The following UGT2B10 variants were observed in gnomAD, a reference collection of about 807,000 sequenced individuals.
UGT2B10 encodes UDP-glucuronosyltransferase 2B10.
UGT2B10 carries 51 observed loss-of-function variants against 43.7 expected under a neutral mutation model. That is an observed-to-expected ratio of 1.17 (90% CI 0.93 to 1.47). The LOEUF (loss-of-function observed/expected upper bound fraction) is 1.47, where lower values mean the gene tolerates loss of function less well. Among genes scored for constraint, UGT2B10 ranks in the 40% most tolerant of loss-of-function variants. UGT2B10 has a pLI of 0.00. For synonymous variants in UGT2B10, 225 were observed against 209.0 expected (o/e 1.08, Z -0.66); for missense variants, 696 against 617.7 (o/e 1.13, Z -1.34).
intron 3 of UGT2B10, 102 bp downstream of exon 3, chr4:68,822,504 T>G (rs1187494726): frequency 6.9e-6 from 11 of 1,589,716 alleles, no homozygotes; most frequent in Non-Finnish European, 6.8e-6. Context: ...GAACTATTTA[T>G]AGCTGAATAC....
In UGT2B10 at chr4:68,823,199, G is replaced by A. The variant is rs551089629; in HGVS notation, c.999+797G>A. Among the ~76,000 whole-genome samples, 215 of 152,200 alleles carry A rather than the reference G, an allele frequency of 1.4e-3. 1 individual carries two copies. The highest frequency in any genetic ancestry group is 2.3e-3 in the Non-Finnish European group (159 of 67,992). On this transcript the variant is annotated intron_variant, in intron 3 of 5. Transcript: ENST00000265403. ...AGGGGAGTAAAAAGAATGAATTCCA[G>A]TCCTGTGATTAAAAGTGTAAACTAT... is the stretch of plus-strand genomic sequence containing the variant.
Position 68,830,921 on chromosome 4 carries a change from A to T in UGT2B10, c.*42A>T. The T allele has an allele frequency of 6.3e-7, 1 of 1,584,438 alleles. No homozygotes were observed. Among genetic ancestry groups the T allele is most frequent in the Non-Finnish European group, 8.6e-7 (1 of 1,165,664 alleles). ...AAGCTGGAAAACCTGATAGATAGGA[A>T]TACTTCAGTTGATTCCAGCAATAAA... On this transcript the variant is annotated 3_prime_UTR_variant, in exon 6 of 6. Coordinates refer to ENST00000265403, the MANE Select transcript of UGT2B10 (RefSeq NM_001075.6).
chr4:68,829,071 T>C (rs1253103609), intron 5 of UGT2B10, among the ~76,000 whole-genome samples: 1 of 151,608 alleles, frequency 6.6e-6, no homozygotes, highest in African/African-American at 2.4e-5. Flanking sequence ...TATAGAAGAG[T>C]GGTCATGACA....
intron 3 of UGT2B10, 46 bp downstream of exon 3, chr4:68,822,448 TGTTA>T: frequency 6.2e-7 from 1 of 1,607,848 alleles, no homozygotes; most frequent in African/African-American, 1.3e-5. Flanking sequence ...TGAAAGAGGC[TGTTA>T]AAGTTTGTGA....
chr4:68,816,297 T>A lies in UGT2B10; in HGVS notation c.278T>A (p.Val93Asp), dbSNP rs745394082. 6.2e-7 allele frequency: 1 copy of A among 1,613,130 alleles called. No homozygotes were observed. Among genetic ancestry groups the A allele is most frequent in the South Asian group, 1.1e-5 (1 of 91,060 alleles). Residue 93 changes from valine to aspartate, a missense_variant, in exon 1 of 6, where the codon GTT becomes GAT. By Grantham distance (152) the Val-to-Asp change is radical. Transcript: ENST00000265403. ...TTTGAGAATATCATCATGCAATTGG[T>A]TAAGAGATTGTCAGAAATTCAAAAA... ...TEFENIIMQL[V>D]KRLSEIQKDT...
In UGT2B10 at chr4:68,831,750, A is replaced by G. The variant is rs2109710352; in HGVS notation, c.*871A>G. 6.6e-6 allele frequency among the ~76,000 whole-genome samples: 1 copy of G among 152,146 alleles called. No individual in the cohort carries two copies. The highest frequency in any genetic ancestry group is 1.5e-5 in the Non-Finnish European group (1 of 67,978). ...TAACTACCCATTATATGCTTTGTTA[A>G]AGTGTTTATGCCCTGATTCAATGTG... On this transcript the variant is annotated 3_prime_UTR_variant, in exon 6 of 6. Coordinates refer to ENST00000265403, the MANE Select transcript of UGT2B10 (RefSeq NM_001075.6).
chr4:68,823,747 T>A (rs961236532), intron 3 of UGT2B10, among the ~76,000 whole-genome samples: 1 of 152,114 alleles, frequency 6.6e-6, no homozygotes, highest in Non-Finnish European at 1.5e-5. Context: ...ATTAGAGCTT[T>A]TGGGAAAGCA....
At chr4:68,817,906 A>C in intron 1 of UGT2B10, 123 bp from the exon 2 acceptor site, 2 of 1,142,130 alleles carry the variant, frequency 1.8e-6, no homozygotes, top group African/African-American at 3.2e-5. Flanking sequence ...ATATATGTAC[A>C]TATTTTTCAA....
At chr4:68,830,126 T>C (rs1738014691) in intron 5 of UGT2B10, among the ~76,000 whole-genome samples, 1 of 152,110 alleles carries the variant, frequency 6.6e-6, no homozygotes, top group East Asian at 1.9e-4. Context: ...CTCATGATGT[T>C]GAGCACGTTC....
At chr4:68,817,933 C>A in intron 1 of UGT2B10, 96 bp from the exon 2 acceptor site, 1 of 1,432,120 alleles carries the variant, frequency 7.0e-7, no homozygotes, top group Non-Finnish European at 9.3e-7. Flanking sequence ...CAAACTTTAC[C>A]AACATTTTTG....
Position 68,816,384 on chromosome 4 carries a change from T to G in UGT2B10, c.365T>G (p.Ile122Ser). The change falls in exon 1 of 6, where the codon ATT becomes AGT. Residue 122 changes from isoleucine (I) to serine (S), a missense_variant. Ile to Ser is a moderately radical substitution (Grantham distance 142). Transcript: ENST00000265403. ...QEILWAINDIIRNFCKDVVSN... is the reference protein window; with the variant it reads ...QEILWAINDISRNFCKDVVSN... ...ATCCTGTGGGCAATTAATGACATAATTAGAAACTTCTGTAAAGATGTAGTT... is the reference window on the plus strand; with the variant it reads ...ATCCTGTGGGCAATTAATGACATAAGTAGAAACTTCTGTAAAGATGTAGTT... 6.2e-7 allele frequency: 1 copy of G among 1,612,708 alleles called. No homozygotes were observed. The highest frequency in any genetic ancestry group is 8.5e-7 in the Non-Finnish European group (1 of 1,179,266).
intron 3 of UGT2B10, among the ~76,000 whole-genome samples, chr4:68,823,461 C>T (rs1334844704): frequency 6.6e-6 from 1 of 152,066 alleles, no homozygotes. Flanking sequence ...GAGGCAAGAT[C>T]ACAACATTGC....
At position 68,830,990 on chromosome 4, in the gene UGT2B10, C is replaced by G; in HGVS notation, c.*111C>G. ...CTTTCTTCCTGTGACAAAAAAAAAT[C>G]CTTTCGAAGTCTACCTTGTCAAGTA... On this transcript the variant is annotated 3_prime_UTR_variant, in exon 6 of 6. Transcript: ENST00000265403. 1 of 1,414,420 alleles carries G rather than the reference C, an allele frequency of 7.1e-7. No individual in the cohort carries two copies. The highest frequency in any genetic ancestry group is 2.4e-5 in the East Asian group (1 of 42,088). 87.6% of individuals were successfully genotyped at this position (1,414,420 alleles called of 1,614,324 possible).
rs4694358 is a variant in UGT2B10 at position 68,830,930 on chromosome 4, T to C, written c.*51T>C. ...AACCTGATAGATAGGAATACTTCAG[T>C]TGATTCCAGCAATAAATATTGTGAT... On this transcript the variant is annotated 3_prime_UTR_variant, in exon 6 of 6. Coordinates refer to ENST00000265403, the MANE Select transcript of UGT2B10 (RefSeq NM_001075.6). 196,327 of 1,560,536 alleles carry C rather than the reference T, an allele frequency of 0.13. 15,128 individuals are homozygous for C. Among genetic ancestry groups the C allele is most frequent in the Admixed American group, 0.34 (17,692 of 51,352 alleles).
At chr4:68,826,101 C>CT (rs1052728896) in intron 3 of UGT2B10, among the ~76,000 whole-genome samples, 8 of 151,934 alleles carry the variant, frequency 5.3e-5, no homozygotes, top group Non-Finnish European at 1.0e-4. Flanking sequence ...TGATGTTAAA[C>CT]TTTTTTTCTT....
chr4:68,826,606 G>T, intron 4 of UGT2B10, 109 bp downstream of exon 4: 5 of 1,317,444 alleles, frequency 3.8e-6, no homozygotes, highest in Middle Eastern at 2.2e-4. Flanking sequence ...AAACAAAAAA[G>T]AACTTCTTTA....
rs567502684 is a variant in UGT2B10, at chr4:68,830,734, A to T, written c.1442A>T (p.Asn481Ile). The T allele has an allele frequency of 1.2e-6, 2 of 1,613,350 alleles. No homozygotes were observed. The highest frequency in any genetic ancestry group is 1.7e-6 in the Non-Finnish European group (2 of 1,179,520). The change falls in exon 6 of 6, where the codon AAC becomes ATC. Residue 481 changes from asparagine (N) to isoleucine (I), a missense_variant. Asn to Ile is a moderately radical substitution (Grantham distance 149, BLOSUM62 -3). Coordinates refer to ENST00000265403, the MANE Select transcript of UGT2B10 (RefSeq NM_001075.6). ...GAKHLRVAAHNLTWFQYHSLD... is the reference protein window; with the variant it reads ...GAKHLRVAAHILTWFQYHSLD... ...AAACATCTTCGAGTTGCAGCCCACA[A>T]CCTCACCTGGTTCCAGTACCACTCT...
intron 4 of UGT2B10, 21 bp downstream of exon 4, chr4:68,826,518 A>T (rs1737789516): frequency 6.2e-7 from 1 of 1,603,038 alleles, no homozygotes; most frequent in East Asian, 2.2e-5. Flanking sequence ...GGTGAACAAT[A>T]CTGGATATAT....
intron 2 of UGT2B10, among the ~76,000 whole-genome samples, chr4:68,818,923 T>A (rs1019517591): frequency 6.6e-6 from 1 of 151,946 alleles, no homozygotes. Context: ...GAAATAAGGA[T>A]ATATGAAATG....
Sources: gnomAD v4.1 joint callset for allele counts (sites outside exome capture counted in the v4.1 genomes callset) on GRCh38, gnomAD v4.1.1 for gene constraint, MANE v1.5 for transcripts, NCBI Gene and HGNC (gene_info 2026-07-23, HGNC 2026-07-21) for gene names.